IWS1: variants seen among roughly 807,000 people sequenced by gnomAD.
IWS1 encodes the protein protein IWS1 homolog.
In IWS1, 27 loss-of-function variants were observed where a neutral mutation model predicts 86.7. The observed-to-expected ratio is 0.31, with a 90% CI of 0.23 to 0.43. The LOEUF (loss-of-function observed/expected upper bound fraction) is 0.43. IWS1 is among the 20% of genes least tolerant of loss of function. The pLI, the probability that IWS1 is intolerant of heterozygous loss-of-function variation, is 1.00. For missense variants in IWS1, 827 were observed against 1,000.8 expected (o/e 0.83, Z 2.34); for synonymous variants, 313 against 335.1 (o/e 0.93, Z 0.72).
At position 127,492,082 on chromosome 2, in the gene IWS1, T is replaced by C; in HGVS notation, c.1936A>G (p.Ser646Gly). Residue 646 changes from serine to glycine, a missense_variant, in exon 10 of 14, where the codon AGT (serine) becomes GGT (glycine). Around this residue, in one of 2 missense-constraint regions of IWS1, gnomAD observed 279 missense variants for 440.6 expected, o/e 0.63. Coordinates refer to ENST00000295321, the MANE Select transcript of IWS1 (RefSeq NM_017969.3). ...TGCTTCAGGGTCTCCTGGCTCACAC[T>C]AGGCAGCTGGGGAACATAAACACAT... The part of the protein sequence containing the change: ...ELLKILQELP[S>G]VSQETLKHSG... 1 of 1,610,524 alleles carries C rather than the reference T, an allele frequency of 6.2e-7. No homozygotes were observed. The highest frequency in any genetic ancestry group is 2.2e-5 in the East Asian group (1 of 44,850).
intron 5 of IWS1, among the ~76,000 whole-genome samples, chr2:127,502,323 AG>A (rs372461422): frequency 7.2e-4 from 110 of 152,366 alleles, no homozygotes; most frequent in African/African-American, 2.6e-3. Context: ...AAATATGAGT[AG>A]CCTCTCAGCC....
rs150270789 is a variant in IWS1, at chr2:127,521,313, T to C, written c.150+2363A>G. Among the ~76,000 whole-genome samples, 718 of 152,286 alleles carry C rather than the reference T, an allele frequency of 4.7e-3. 6 individuals are homozygous for C. Among genetic ancestry groups the C allele is most frequent in the African/African-American group, 0.017 (689 of 41,564 alleles). Reference sequence around the variant, plus strand: ...ACATCTCAAGTAAAGTTAAAATATATAGACGTCATATACCTGGGACAGAAT... The same window carrying C: ...ACATCTCAAGTAAAGTTAAAATATACAGACGTCATATACCTGGGACAGAAT... On this transcript the variant is annotated intron_variant, in intron 2 of 13. Transcript: ENST00000295321.
chr2:127,493,400 T>TACTA lies in IWS1; in HGVS notation c.1809_1810insTAGT (p.Lys604Ter). ...ACACCACTGTCAATGAATGTTTCTT[T>TACTA]AAGGTCCTGCCTGCAGTAACAATAA... On this transcript the variant is annotated stop_gained and frameshift_variant, in exon 9 of 14. Transcript: ENST00000295321. LOFTEE classifies it high-confidence loss of function. The TACTA allele has an allele frequency of 6.2e-7, 1 of 1,609,300 alleles. No individual in the cohort carries two copies. The highest frequency in any genetic ancestry group is 8.5e-7 in the Non-Finnish European group (1 of 1,178,588).
chr2:127,486,710 C>CATA, intron 12 of IWS1, 46 bp from the exon 13 acceptor site: 1 of 1,425,528 alleles, frequency 7.0e-7, no homozygotes, highest in Non-Finnish European at 9.9e-7. Flanking sequence ...TGGCCAGCCA[C>CATA]AGTGGGGCAC....
At chr2:127,523,815 C>T (rs762148424) in intron 1 of IWS1, 24 bp from the exon 2 acceptor site, 3 of 1,495,876 alleles carry the variant, frequency 2.0e-6, no homozygotes, top group Non-Finnish European at 1.9e-6. Flanking sequence ...AAACAAAAAC[C>T]AACTTATGGT....
chr2:127,500,463 T>A (rs955804888), intron 5 of IWS1, among the ~76,000 whole-genome samples: 2 of 152,204 alleles, frequency 1.3e-5, no homozygotes, highest in African/African-American at 4.8e-5. Flanking sequence ...TTTATCGATA[T>A]AAAGTGACCT....
At chr2:127,503,275 T>C (rs1690913220) in intron 4 of IWS1, 112 bp downstream of exon 4, 1 of 753,388 alleles carries the variant, frequency 1.3e-6, no homozygotes, top group Non-Finnish European at 2.1e-6. Context: ...GGAACTAAAA[T>C]ACTAAATCCC....
At chr2:127,525,739 T>C (rs560233638) in intron 1 of IWS1, among the ~76,000 whole-genome samples, 15 of 152,300 alleles carry the variant, frequency 9.8e-5, no homozygotes, top group South Asian at 4.1e-4. Flanking sequence ...TGCATGCAAC[T>C]GAAACATGGG....
chr2:127,504,552 T>C (rs1257879522), intron 3 of IWS1, 132 bp downstream of exon 3: 1 of 706,244 alleles, frequency 1.4e-6, no homozygotes, highest in Non-Finnish European at 2.4e-6. Context: ...ATGAGTGTCC[T>C]ACTGATATTT....
chr2:127,496,828 T>C (rs1345858714), intron 6 of IWS1, among the ~76,000 whole-genome samples: 2 of 152,318 alleles, frequency 1.3e-5, no homozygotes, highest in East Asian at 3.9e-4. Flanking sequence ...TCCCCCTGCC[T>C]CAGCCTCCCA....
Position 127,483,604 on chromosome 2 carries a change from CTG to C in IWS1, c.2329-2431_2329-2430del, listed in dbSNP as rs1292081664. On this transcript the variant is annotated intron_variant, in intron 13 of 13. Coordinates refer to ENST00000295321, the MANE Select transcript of IWS1 (RefSeq NM_017969.3). ...GGGGTGGTGGGGTGGGGGGGTTGGGCTGTGTGTGTGTGTGTGTGTGCGTGTGC... is the reference window on the plus strand; with the variant it reads ...GGGGTGGTGGGGTGGGGGGGTTGGGCTGTGTGTGTGTGTGTGTGCGTGTGC... Among the ~76,000 whole-genome samples, 21 of 26,016 alleles carry C rather than the reference CTG, an allele frequency of 8.1e-4. No homozygotes were observed. The South Asian group carries it at 0.013, about 17-fold the overall frequency. The allele number at this position is 26,016 out of a possible 152,430, so 17.1% of individuals were successfully genotyped here.
chr2:127,481,448 G>C (rs1284683531), intron 13 of IWS1, among the ~76,000 whole-genome samples: 2 of 151,858 alleles, frequency 1.3e-5, no homozygotes, highest in Admixed American at 6.6e-5. Context: ...AGAAAGGGGG[G>C]GGGAAACTGA....
rs13412858 is a variant in IWS1, at chr2:127,521,272, C to G, written c.150+2404G>C. On this transcript the variant is annotated intron_variant, in intron 2 of 13. Coordinates refer to ENST00000295321, the MANE Select transcript of IWS1 (RefSeq NM_017969.3). Reference sequence around the variant, plus strand: ...CTCAAAATATATACATAGAAAGACACAAAATATATATAATAACATCTCAAG... The same window carrying G: ...CTCAAAATATATACATAGAAAGACAGAAAATATATATAATAACATCTCAAG... Among the ~76,000 whole-genome samples the G allele has an allele frequency of 3.8e-3, 576 of 152,120 alleles. 4 individuals are homozygous for G. Among genetic ancestry groups the G allele is most frequent in the African/African-American group, 0.013 (542 of 41,494 alleles).
Position 127,505,803 on chromosome 2 carries a change from A to G in IWS1, c.151-51T>C, listed in dbSNP as rs1308857353. ...AGGAAAGTGCAAAAAAAAAAAAACC[A>G]TTAATAATAAAACATTAAATTTTTT... On this transcript the variant is annotated intron_variant, in intron 2 of 13. Transcript: ENST00000295321. The surrounding 1 kb of genome is among the most constrained non-coding windows in gnomAD (Gnocchi z 5.0). The G allele has an allele frequency of 7.8e-6, 9 of 1,150,264 alleles. No individual in the cohort carries two copies. In the South Asian group the frequency reaches 9.6e-5, roughly 12 times the overall value. 71.3% of individuals were successfully genotyped at this position (1,150,264 alleles called of 1,614,324 possible). A position where few individuals can be genotyped will look rare whatever the true frequency, so the allele number is the denominator to read the frequency against.
Position 127,489,353 on chromosome 2 carries a change from AG to A in IWS1, c.2160-119del. 1 of 679,504 alleles carries A rather than the reference AG, an allele frequency of 1.5e-6. No individual in the cohort carries two copies. Among genetic ancestry groups the A allele is most frequent in the South Asian group, 1.8e-5 (1 of 54,586 alleles). 42.1% of individuals were successfully genotyped at this position (679,504 alleles called of 1,614,324 possible). ...ATTAATAGCTCTTTTACGATGGATCAGGGAAAATAATTCCTAATCTTTAAAA... is the reference window on the plus strand; with the variant it reads ...ATTAATAGCTCTTTTACGATGGATCAGGAAAATAATTCCTAATCTTTAAAA... On this transcript the variant is annotated intron_variant, in intron 11 of 13. Coordinates refer to ENST00000295321, the MANE Select transcript of IWS1 (RefSeq NM_017969.3). This position sits in a 1 kb window ranked among gnomAD's most constrained non-coding sequence, Gnocchi z 4.8.
In IWS1 at chr2:127,504,037, T is replaced by C. The variant is rs562580050; in HGVS notation, c.1220-461A>G. Among the ~76,000 whole-genome samples the C allele has an allele frequency of 1.1e-4, 17 of 152,344 alleles. No individual in the cohort carries two copies. In the East Asian group the frequency reaches 2.5e-3, roughly 22 times the overall value. ...GAAATTTCTCATCTCCCTTAACAAA[T>C]TGACAGCATGTCTGGTACCTTTTCC... is the stretch of plus-strand genomic sequence containing the variant. On this transcript the variant is annotated intron_variant, in intron 3 of 13. Transcript: ENST00000295321.
At chr2:127,506,464 T>C (rs1691157190) in intron 2 of IWS1, among the ~76,000 whole-genome samples, 1 of 152,186 alleles carries the variant, frequency 6.6e-6, no homozygotes, top group South Asian at 2.1e-4. Context: ...TTCTTGGGTT[T>C]TATAAGGTTA....
Position 127,503,371 on chromosome 2 carries a change from T to C in IWS1, c.1409+16A>G. 1 of 1,594,648 alleles carries C rather than the reference T, an allele frequency of 6.3e-7. No homozygotes were observed. Among genetic ancestry groups the C allele is most frequent in the East Asian group, 2.2e-5 (1 of 44,520 alleles). The stretch of plus-strand genomic sequence containing the variant: ...AATTAAGAACCCCTGAAAACTCATG[T>C]TATACTGTCACTTACTCTTCTTCAT... On this transcript the variant is annotated intron_variant, in intron 4 of 13. Transcript: ENST00000295321.
Position 127,526,360 on chromosome 2 carries a change from G to A in IWS1, c.-152C>T. On this transcript the variant is annotated 5_prime_UTR_variant, in exon 1 of 14. Transcript: ENST00000295321. ...GGGTGCGGAGGGTAAGAAAGCGGTA[G>A]CGGCAAAGGCGAATTCTTTGACCTG... 1.3e-6 allele frequency: 2 copies of A among 1,536,956 alleles called. No homozygotes were observed. The highest frequency in any genetic ancestry group is 1.7e-6 in the Non-Finnish European group (2 of 1,146,530).
Sources: allele counts gnomAD v4.1 joint callset (sites outside exome capture counted in the v4.1 genomes callset), GRCh38; gene constraint gnomAD v4.1.1; regional missense constraint gnomAD v4.1.1; non-coding constraint Gnocchi (gnomAD v3.1); transcripts MANE v1.5; gene names NCBI Gene and HGNC (gene_info 2026-07-23, HGNC 2026-07-21).